Variants in SH3GL1 observed in about 807,000 individuals in gnomAD.
The protein encoded by SH3GL1 is endophilin-A2.
In SH3GL1, 21 loss-of-function variants were observed where a neutral mutation model predicts 48.8. That is an observed-to-expected ratio of 0.43 (90% CI 0.30 to 0.62). The LOEUF is 0.62. Ranked by LOEUF, SH3GL1 falls within the 20% of genes least tolerant of loss-of-function variation. The pLI is 0.11. For synonymous variants in SH3GL1, 282 were observed against 217.5 expected (o/e 1.30, Z -2.61); for missense variants, 454 against 503.0 (o/e 0.90, Z 0.93).
intron 1 of SH3GL1, among the ~76,000 whole-genome samples, chr19:4,375,736 C>A (rs1002143047): frequency 2.0e-5 from 3 of 152,204 alleles, no homozygotes; most frequent in Non-Finnish European, 1.5e-5. Context: ...GTGTGACATA[C>A]AACTGGTAAA....
At chr19:4,387,771 C>T (rs1344115245) in intron 1 of SH3GL1, among the ~76,000 whole-genome samples, 4 of 151,968 alleles carry the variant, frequency 2.6e-5, no homozygotes, top group Admixed American at 2.6e-4. Context: ...GCAACCTTCA[C>T]CTCGCAGGTT....
chr19:4,397,853 T>A (rs1451354142), intron 1 of SH3GL1, among the ~76,000 whole-genome samples: 6 of 152,170 alleles, frequency 3.9e-5, no homozygotes, highest in African/African-American at 7.2e-5. Context: ...TTACTTTTTT[T>A]ATTTATTTTT....
At position 4,376,798 on chromosome 19, in the gene SH3GL1, G is replaced by A. The variant is rs903369666; in HGVS notation, c.46-9804C>T. 1.3e-5 allele frequency among the ~76,000 whole-genome samples: 2 copies of A among 152,202 alleles called. No individual in the cohort carries two copies. The highest frequency in any genetic ancestry group is 6.5e-5 in the Admixed American group (1 of 15,296). ...CCTCCTGCTATCCTCACGGGGCCTC[G>A]CATTCCTCTTGCTTGCTTGTTTTCG... is the stretch of plus-strand genomic sequence containing the variant. On this transcript the variant is annotated intron_variant, in intron 1 of 9. Coordinates refer to ENST00000269886, the MANE Select transcript of SH3GL1 (RefSeq NM_003025.4). The surrounding 1 kb of genome is among the most constrained non-coding windows in gnomAD (Gnocchi z 4.3).
intron 1 of SH3GL1, among the ~76,000 whole-genome samples, chr19:4,379,832 T>C (rs1316759251): frequency 6.6e-6 from 1 of 152,154 alleles, no homozygotes; most frequent in Non-Finnish European, 1.5e-5. Context: ...TGCTTACTTG[T>C]ATTTTGGGGG....
chr19:4,397,732 G>C (rs189174786), intron 1 of SH3GL1, among the ~76,000 whole-genome samples: 1 of 152,298 alleles, frequency 6.6e-6, no homozygotes, highest in East Asian at 1.9e-4. Context: ...ACTGTTCTCA[G>C]TGACAACTCT....
Position 4,360,549 on chromosome 19 carries a change from GA to G in SH3GL1, c.*1050del. On this transcript the variant is annotated 3_prime_UTR_variant, in exon 10 of 10. Transcript: ENST00000269886. Reference sequence around the variant, plus strand: ...CGGAGGCTTCACTGGACCACAGGGGGAGGGGAATGTGAATGTGGCCTGGCCC... The same window carrying G: ...CGGAGGCTTCACTGGACCACAGGGGGGGGGAATGTGAATGTGGCCTGGCCC... 4.3e-6 allele frequency: 1 copy of G among 233,614 alleles called. No individual in the cohort carries two copies. Among genetic ancestry groups the G allele is most frequent in the Non-Finnish European group, 8.5e-6 (1 of 118,290 alleles). The allele number at this position is 233,614 out of a possible 1,614,324, so 14.5% of individuals were successfully genotyped here.
chr19:4,388,111 G>A (rs761266729), intron 1 of SH3GL1, among the ~76,000 whole-genome samples: 1 of 151,934 alleles, frequency 6.6e-6, no homozygotes, highest in Non-Finnish European at 1.5e-5. Context: ...CACCTGCCTC[G>A]GCCTCCCAAA....
At position 4,367,644 on chromosome 19, in the gene SH3GL1, G is replaced by A. The variant is rs979070689; in HGVS notation, c.46-650C>T. Among the ~76,000 whole-genome samples, 1 of 152,308 alleles carries A rather than the reference G, an allele frequency of 6.6e-6. No individual in the cohort carries two copies. The highest frequency in any genetic ancestry group is 2.1e-4 in the South Asian group (1 of 4,830). On this transcript the variant is annotated intron_variant, in intron 1 of 9. Transcript: ENST00000269886. The surrounding 1 kb of genome is among the most constrained non-coding windows in gnomAD (Gnocchi z 4.2). ...CTTGGTCCTCACGGCTCTCAGCTACGGTGAAAGCGATGACAATGACAGGCA... is the reference window on the plus strand; with the variant it reads ...CTTGGTCCTCACGGCTCTCAGCTACAGTGAAAGCGATGACAATGACAGGCA...
intron 1 of SH3GL1, among the ~76,000 whole-genome samples, chr19:4,379,860 C>G (rs372602966): frequency 2.6e-5 from 4 of 152,204 alleles, no homozygotes; most frequent in African/African-American, 9.6e-5. Context: ...GCCCTGCCCC[C>G]CAAGGCTTGC....
chr19:4,393,297 C>T (rs377034540), intron 1 of SH3GL1, among the ~76,000 whole-genome samples: 1 of 150,262 alleles, frequency 6.7e-6, no homozygotes, highest in Non-Finnish European at 1.5e-5. Context: ...AACAAACAAA[C>T]AAAAAAAAAC....
chr19:4,362,217 G>A (rs931074049), intron 9 of SH3GL1, 112 bp downstream of exon 9: 1 of 1,117,592 alleles, frequency 8.9e-7, no homozygotes, highest in Non-Finnish European at 1.3e-6. Flanking sequence ...TGCTGCACGA[G>A]CCTGGCCCCT....
chr19:4,366,182 G>A (rs925952057), intron 3 of SH3GL1, among the ~76,000 whole-genome samples: 5 of 152,214 alleles, frequency 3.3e-5, no homozygotes, highest in African/African-American at 1.2e-4. Context: ...CACTGGGGAG[G>A]GGCGGCCAAT....
At chr19:4,394,821 G>A (rs1973397082) in intron 1 of SH3GL1, among the ~76,000 whole-genome samples, 1 of 152,226 alleles carries the variant, frequency 6.6e-6, no homozygotes, top group Non-Finnish European at 1.5e-5. Flanking sequence ...CTCTACTGAC[G>A]TAGGGCTGGA....
chr19:4,398,832 T>A (rs1177348815), intron 1 of SH3GL1, among the ~76,000 whole-genome samples: 1 of 152,192 alleles, frequency 6.6e-6, no homozygotes, highest in Non-Finnish European at 1.5e-5. Context: ...GCACTTAGGC[T>A]GGGATGCAGC....
chr19:4,392,559 CACACACACACAA>C (rs1973356806), intron 1 of SH3GL1, among the ~76,000 whole-genome samples: 1 of 141,160 alleles, frequency 7.1e-6, no homozygotes, highest in East Asian at 2.1e-4. Context: ...CACACACACA[CACACACACACAA>C]AAGATCATTC....
intron 1 of SH3GL1, among the ~76,000 whole-genome samples, chr19:4,385,642 C>T (rs776616569): frequency 1.6e-4 from 24 of 152,186 alleles, no homozygotes; most frequent in Admixed American, 3.9e-4. Context: ...GCACAGGGAC[C>T]CCACTCAACA....
At chr19:4,391,665 G>A (rs1973339341) in intron 1 of SH3GL1, among the ~76,000 whole-genome samples, 1 of 152,210 alleles carries the variant, frequency 6.6e-6, no homozygotes, top group African/African-American at 2.4e-5. Context: ...GGGGCCAGGT[G>A]AGCCAGGTTT....
At chr19:4,383,237 C>T (rs1221405863) in intron 1 of SH3GL1, among the ~76,000 whole-genome samples, 2 of 144,256 alleles carry the variant, frequency 1.4e-5, no homozygotes, top group Non-Finnish European at 1.5e-5. Flanking sequence ...TTTTTTGAGA[C>T]CAGGTCTTGC....
chr19:4,380,691 G>A (rs1349069932), intron 1 of SH3GL1, among the ~76,000 whole-genome samples: 7 of 152,144 alleles, frequency 4.6e-5, no homozygotes, highest in Admixed American at 4.6e-4. Flanking sequence ...GTGTTTCTGG[G>A]GTGTGTGGTC....
Sources: gnomAD v4.1 joint callset for allele counts (sites outside exome capture counted in the v4.1 genomes callset) on GRCh38, gnomAD v4.1.1 for gene constraint, Gnocchi (gnomAD v3.1) non-coding constraint, MANE v1.5 for transcripts, NCBI Gene and HGNC (gene_info 2026-07-23, HGNC 2026-07-21) for gene names.